Variants in ZNF442 observed in about 807,000 individuals in gnomAD.
ZNF442 encodes the protein zinc finger protein 442.
In ZNF442, 45 loss-of-function variants were observed where a neutral mutation model predicts 57.0. The ratio of observed to expected loss-of-function variants is 0.79; its 90% CI spans 0.62 to 1.01. ZNF442 has a LOEUF of 1.01. ZNF442 is among the 50% of genes least tolerant of loss of function. The probability of loss-of-function intolerance (pLI) is 0.00; values close to 1 mark genes in which losing one functional copy is unlikely to be tolerated. For synonymous variants in ZNF442, 213 were observed against 241.8 expected (o/e 0.88, Z 1.10); for missense variants, 690 against 756.5 (o/e 0.91, Z 1.03).
Position 12,353,050 on chromosome 19 carries a change from G to A in ZNF442, c.143C>T (p.Pro48Leu), listed in dbSNP as rs768297124. 6.1e-5 allele frequency: 99 copies of A among 1,613,470 alleles called. No homozygotes were observed. The highest frequency in any genetic ancestry group is 8.0e-5 in the Non-Finnish European group (94 of 1,179,820). The change falls in exon 4 of 6, where the codon CCA (proline) becomes CTA (leucine). Residue 48 changes from proline (P) to leucine (L), a missense_variant. Transcript: ENST00000242804. The part of the protein sequence containing the change: ...FTQEEWALLG[P>L]SQKSLYRDVM... ...ATCTCTGTACAGACTCTTCTGTGAT[G>A]GACCCAGCAAAGCCCACTCTTCCTG...
chr19:12,364,418 A>AAAAAAAAAAAG (rs1555756631), intron 2 of ZNF442, among the ~76,000 whole-genome samples: 67 of 151,836 alleles, frequency 4.4e-4, no homozygotes, highest in African/African-American at 1.5e-3. Context: ...AAAAAAAAAA[A>AAAAAAAAAAAG]AAAGAAAGAA....
intron 3 of ZNF442, among the ~76,000 whole-genome samples, chr19:12,363,004 A>C (rs191888517): frequency 2.7e-4 from 41 of 151,530 alleles, no homozygotes; most frequent in Non-Finnish European, 3.7e-4. Flanking sequence ...CAAAACAAAA[A>C]AAAAATTAGC....
In ZNF442 at chr19:12,349,627, C is replaced by G; in HGVS notation, c.*74G>C. ...TAAGGCTTTACCATGTGTTTGCATT[C>G]ATGAGGCTTATCTCCTATGTGATTT... On this transcript the variant is annotated 3_prime_UTR_variant, in exon 6 of 6. Coordinates refer to ENST00000242804, the MANE Select transcript of ZNF442 (RefSeq NM_030824.3). The G allele has an allele frequency of 6.9e-7, 1 of 1,441,942 alleles. No homozygotes were observed. The highest frequency in any genetic ancestry group is 9.4e-7 in the Non-Finnish European group (1 of 1,067,576). 89.3% of individuals were successfully genotyped at this position (1,441,942 alleles called of 1,614,324 possible).
chr19:12,372,796 T>C, the ZNF442 span, among the ~76,000 whole-genome samples: 1 of 152,184 alleles, frequency 6.6e-6, no homozygotes, highest in Non-Finnish European at 1.5e-5. Flanking sequence ...TTTTTGGAGA[T>C]GGAGTCTCAC....
intron 3 of ZNF442, among the ~76,000 whole-genome samples, chr19:12,357,941 C>T (rs1047237551): frequency 2.0e-5 from 3 of 151,388 alleles, no homozygotes; most frequent in South Asian, 4.2e-4. Flanking sequence ...ATTATTTACA[C>T]GTGGGAGGTA....
rs1183570076 is a variant in ZNF442 at position 12,350,795 on chromosome 19, G to A, written c.790C>T (p.Pro264Ser). 6.2e-7 allele frequency: 1 copy of A among 1,614,028 alleles called. No homozygotes were observed. The highest frequency in any genetic ancestry group is 8.5e-7 in the Non-Finnish European group (1 of 1,179,994). Residue 264 changes from proline (P) to serine (S), a missense_variant, in exon 6 of 6, where the codon CCA (proline) becomes TCA (serine). Physicochemically the swap from Pro to Ser is moderately conservative, Grantham distance 74 (BLOSUM62 -1). Coordinates refer to ENST00000242804, the MANE Select transcript of ZNF442 (RefSeq NM_030824.3). Reference sequence around the variant, plus strand: ...TTGGAACAGTGCTTGCATTCATATGGTTTCTCCCCAGTGTGTGTTCTTTCA... The same window carrying A: ...TTGGAACAGTGCTTGCATTCATATGATTTCTCCCCAGTGTGTGTTCTTTCA... ...RHERTHTGEK[P>S]YECKHCSKAF...
intron 3 of ZNF442, among the ~76,000 whole-genome samples, chr19:12,354,851 A>C (rs776895046): frequency 6.6e-6 from 1 of 152,244 alleles, no homozygotes; most frequent in Non-Finnish European, 1.5e-5. Context: ...TATAGTACGC[A>C]ATACGTATGA....
chr19:12,364,281 C>T (rs1969493613), intron 2 of ZNF442, among the ~76,000 whole-genome samples: 2 of 151,750 alleles, frequency 1.3e-5, no homozygotes, highest in Admixed American at 1.3e-4. Context: ...GTGGTGGGTG[C>T]CTGTAATTCC....
chr19:12,350,586 C>T lies in ZNF442; in HGVS notation c.999G>A (p.Leu333=). 3 of 1,612,766 alleles carry T rather than the reference C, an allele frequency of 1.9e-6. No individual in the cohort carries two copies. The highest frequency in any genetic ancestry group is 2.5e-6 in the Non-Finnish European group (3 of 1,179,754). ...CKQCGKAFHH[L]GSFQRHMIRH... ...TTATCATGTGTCTTTGAAAGCTTCC[C>T]AGATGATGAAATGCTTTCCCGCATT... is the stretch of plus-strand genomic sequence containing the variant. Residue 333 remains leucine (L), a synonymous_variant, in exon 6 of 6, where the codon CTG becomes CTA. Coordinates refer to ENST00000242804, the MANE Select transcript of ZNF442 (RefSeq NM_030824.3).
At chr19:12,352,214 G>C (rs1160546851) in intron 4 of ZNF442, 144 bp from the exon 5 acceptor site, 1 of 691,192 alleles carries the variant, frequency 1.4e-6, no homozygotes, top group African/African-American at 1.8e-5. Flanking sequence ...TACCTCGTAA[G>C]TCCACTTATT....
chr19:12,363,535 T>C lies in ZNF442; in HGVS notation c.78+19A>G, dbSNP rs774932092. ...GAGGTTCTTGCACAACTGGAATGAGTGGGTTCTCCAGTGCTTACATATTGT... is the reference window on the plus strand; with the variant it reads ...GAGGTTCTTGCACAACTGGAATGAGCGGGTTCTCCAGTGCTTACATATTGT... On this transcript the variant is annotated intron_variant, in intron 3 of 5. Transcript: ENST00000242804. 65 of 1,611,166 alleles carry C rather than the reference T, an allele frequency of 4.0e-5. No individual in the cohort carries two copies. In the Admixed American group the frequency reaches 4.7e-4, roughly 12 times the overall value.
chr19:12,364,899 C>T lies in ZNF442; in HGVS notation c.-138G>A, dbSNP rs1023336326. ...TGCATTGTGCCTGGGGATAAGATCT[C>T]GGAGAGCTGCTCGAGTTGCCCAAGT... On this transcript the variant is annotated 5_prime_UTR_variant, in exon 2 of 6. Coordinates refer to ENST00000242804, the MANE Select transcript of ZNF442 (RefSeq NM_030824.3). The T allele has an allele frequency of 4.6e-5, 7 of 152,202 alleles. No individual in the cohort carries two copies. Among genetic ancestry groups the T allele is most frequent in the African/African-American group, 1.7e-4 (7 of 41,434 alleles). The allele number at this position is 152,202 out of a possible 1,614,324, so 9.4% of individuals were successfully genotyped here.
chr19:12,362,417 G>A (rs1046127116), intron 3 of ZNF442, among the ~76,000 whole-genome samples: 16 of 150,898 alleles, frequency 1.1e-4, no homozygotes, highest in African/African-American at 3.7e-4. Flanking sequence ...CCGCCACCCC[G>A]TCTGGGAGGT....
chr19:12,371,857 A>T, the ZNF442 span, among the ~76,000 whole-genome samples: 1 of 152,228 alleles, frequency 6.6e-6, no homozygotes, highest in African/African-American at 2.4e-5. Context: ...AAGAAAACCT[A>T]GGCAATACCA....
upstream of ZNF442, among the ~76,000 whole-genome samples, chr19:12,366,068 G>C (rs567187583): frequency 1.3e-5 from 2 of 152,202 alleles, no homozygotes; most frequent in African/African-American, 4.8e-5. Flanking sequence ...CCACACTGAA[G>C]CAGGAGGGAA....
At chr19:12,366,289 A>C (rs1446732227), upstream of ZNF442, among the ~76,000 whole-genome samples, 4 of 152,180 alleles carry the variant, frequency 2.6e-5, no homozygotes. Flanking sequence ...GAAAAGAAAA[A>C]ACCTGAATTA....
At chr19:12,356,582 G>A (rs1471037426) in intron 3 of ZNF442, among the ~76,000 whole-genome samples, 6 of 149,848 alleles carry the variant, frequency 4.0e-5, no homozygotes, top group Non-Finnish European at 5.9e-5. Context: ...AGCTGAGATC[G>A]CTCCATTGCA....
At position 12,352,037 on chromosome 19, in the gene ZNF442, T is replaced by G; in HGVS notation, c.239A>C (p.Gln80Pro). The G allele has an allele frequency of 6.2e-7, 1 of 1,613,876 alleles. No homozygotes were observed. The highest frequency in any genetic ancestry group is 1.7e-5 in the Admixed American group (1 of 60,012). Residue 80 changes from glutamine (Q) to proline (P), a missense_variant, in exon 5 of 6, where the codon CAG becomes CCG. By Grantham distance (76) the Gln-to-Pro change is moderately conservative. Transcript: ENST00000242804. ...MKWEDTNIED[Q>P]HRNPRRSLRC... ...TAGGCTCCTCCTGGGATTTCTGTGC[T>G]GATCTTCAATGTTTGTGTCTTCCCA...
chr19:12,360,201 G>A (rs931195667), intron 3 of ZNF442, among the ~76,000 whole-genome samples: 1 of 152,002 alleles, frequency 6.6e-6, no homozygotes, highest in Non-Finnish European at 1.5e-5. Flanking sequence ...ATGCTTTCCC[G>A]TTTTGCAGTA....
Sources: allele counts gnomAD v4.1 joint callset (sites outside exome capture counted in the v4.1 genomes callset), GRCh38; gene constraint gnomAD v4.1.1; transcripts MANE v1.5; gene names NCBI Gene and HGNC (gene_info 2026-07-23, HGNC 2026-07-21).